Variants in PCSK9 observed in about 807,000 individuals in gnomAD.
The protein encoded by PCSK9 is proprotein convertase subtilisin/kexin type 9.
Under a neutral mutation model 62.1 loss-of-function variants are expected in PCSK9, and 57 were observed. That is an observed-to-expected ratio of 0.92 (90% CI 0.74 to 1.14). The LOEUF (loss-of-function observed/expected upper bound fraction) is 1.14, where lower values mean the gene tolerates loss of function less well. Among genes scored for constraint, PCSK9 ranks in the 50% most tolerant of loss-of-function variants. The pLI is 0.00. For synonymous variants in PCSK9, 387 were observed against 409.4 expected, an observed-to-expected ratio of 0.95 and a Z score of 0.66; for missense variants, 870 against 959.8, an observed-to-expected ratio of 0.91 and a Z score of 1.24.
At position 55,046,383 on chromosome 1, in the gene PCSK9, G is replaced by A. The variant is rs1644634985; in HGVS notation, c.400-140G>A. ...ACTCAGGCTCCTAGTCTGTCCTCCGGGGCACTAGCAGGGACAAGGTGGGAG... is the reference window on the plus strand; with the variant it reads ...ACTCAGGCTCCTAGTCTGTCCTCCGAGGCACTAGCAGGGACAAGGTGGGAG... On this transcript the variant is annotated intron_variant, in intron 2 of 11. Transcript: ENST00000302118. 6 of 1,298,266 alleles carry A rather than the reference G, an allele frequency of 4.6e-6. No homozygotes were observed. In the South Asian group the frequency reaches 5.9e-5, roughly 13 times the overall value. 80.4% of individuals were successfully genotyped at this position (1,298,266 alleles called of 1,614,324 possible). A position where few individuals can be genotyped will look rare whatever the true frequency, so the allele number is the denominator to read the frequency against.
Position 55,063,715 on chromosome 1 carries a change from G to A in PCSK9, c.*131G>A, listed in dbSNP as rs72646531. ...GGGATGGGGATGCTTCCGCCTTTCC[G>A]GGGCTGCTGGCCTGGCCCTTGAGTG... On this transcript the variant is annotated 3_prime_UTR_variant, in exon 12 of 12. Coordinates refer to ENST00000302118, the MANE Select transcript of PCSK9 (RefSeq NM_174936.4). The A allele has an allele frequency of 8.8e-6, 10 of 1,130,488 alleles. No homozygotes were observed. Among genetic ancestry groups the A allele is most frequent in the East Asian group, 7.8e-5 (3 of 38,596 alleles). The allele number at this position is 1,130,488 out of a possible 1,614,324, so 70.0% of individuals were successfully genotyped here. A position where few individuals can be genotyped will look rare whatever the true frequency, so the allele number is the denominator to read the frequency against.
chr1:55,048,551 C>T (rs905196509), intron 3 of PCSK9, among the ~76,000 whole-genome samples: 17 of 152,188 alleles, frequency 1.1e-4, no homozygotes, highest in African/African-American at 4.1e-4. Context: ...GGGTGTGGAA[C>T]CCCTTCTGGA....
chr1:55,054,514 C>T (rs1445893295), intron 5 of PCSK9, among the ~76,000 whole-genome samples: 1 of 152,240 alleles, frequency 6.6e-6, no homozygotes, highest in East Asian at 1.9e-4. Context: ...AGGAGCATGG[C>T]TGTGAGATTC....
intron 2 of PCSK9, 51 bp from the exon 3 acceptor site, chr1:55,046,472 T>C (rs888965509): frequency 2.0e-5 from 33 of 1,614,058 alleles, no homozygotes; most frequent in Non-Finnish European, 2.6e-5. Flanking sequence ...CTGTGTTTGC[T>C]GCTGTCCAAA....
rs200027662 is a variant in PCSK9 at position 55,052,334 on chromosome 1, C to T, written c.580C>T (p.Arg194Trp). Residue 194 changes from arginine to tryptophan, a missense_variant, in exon 4 of 12, where the codon CGG (arginine) becomes TGG (tryptophan). Physicochemically the swap from Arg to Trp is moderately radical, Grantham distance 101. Coordinates refer to ENST00000302118, the MANE Select transcript of PCSK9 (RefSeq NM_174936.4). ...AGACACCAGCATACAGAGTGACCAC[C>T]GGGAAATCGAGGGCAGGGTCATGGT... ...LLDTSIQSDH[R>W]EIEGRVMVTD... 8.1e-6 allele frequency: 13 copies of T among 1,614,036 alleles called. No individual in the cohort carries two copies. Among genetic ancestry groups the T allele is most frequent in the African/African-American group, 5.3e-5 (4 of 75,048 alleles).
chr1:55,044,294 C>T (rs1308208126), intron 2 of PCSK9, among the ~76,000 whole-genome samples: 1 of 152,324 alleles, frequency 6.6e-6, no homozygotes, highest in East Asian at 1.9e-4. Flanking sequence ...ACACAGACAG[C>T]TAGGGGTAGA....
Position 55,052,288 on chromosome 1 carries a change from C to T in PCSK9, c.534C>T (p.Ser178=), listed in dbSNP as rs1375419514. The T allele has an allele frequency of 6.2e-7, 1 of 1,614,026 alleles. No individual in the cohort carries two copies. The highest frequency in any genetic ancestry group is 8.5e-7 in the Non-Finnish European group (1 of 1,180,036). The change falls in exon 4 of 12, where the codon AGC becomes AGT. Residue 178 remains serine, a synonymous_variant. Coordinates refer to ENST00000302118, the MANE Select transcript of PCSK9 (RefSeq NM_174936.4). ...TGTCGCCTTGGAAAGACGGAGGCAGCCTGGTGGAGGTGTATCTCCTAGACA... is the reference window on the plus strand; with the variant it reads ...TGTCGCCTTGGAAAGACGGAGGCAGTCTGGTGGAGGTGTATCTCCTAGACA... The part of the protein sequence containing the change: ...ADEYQPPDGG[S]LVEVYLLDTS...
chr1:55,054,960 G>T (rs1379982794), intron 5 of PCSK9, among the ~76,000 whole-genome samples: 1 of 151,664 alleles, frequency 6.6e-6, no homozygotes, highest in Non-Finnish European at 1.5e-5. Flanking sequence ...AGCCGAGATT[G>T]CGCCACTGCA....
Position 55,056,092 on chromosome 1 carries a change from C to G in PCSK9, c.899C>G (p.Ala300Gly). ...AGGYSRVLNAACQRLARAGVV... is the reference protein window; with the variant it reads ...AGGYSRVLNAGCQRLARAGVV... ...GGGTACAGCCGCGTCCTCAACGCCG[C>G]CTGCCAGCGCCTGGCGAGGGCTGGG... Residue 300 changes from alanine to glycine, a missense_variant, in exon 6 of 12, where the codon GCC (alanine) becomes GGC (glycine). By Grantham distance (60) the Ala-to-Gly change is moderately conservative. Coordinates refer to ENST00000302118, the MANE Select transcript of PCSK9 (RefSeq NM_174936.4). 1 of 1,589,440 alleles carries G rather than the reference C, an allele frequency of 6.3e-7. No homozygotes were observed. The highest frequency in any genetic ancestry group is 1.1e-5 in the South Asian group (1 of 88,990).
At chr1:55,058,681 G>A (rs747568306) in intron 9 of PCSK9, 34 bp downstream of exon 9, 43 of 276,934 alleles carry the variant, frequency 1.6e-4, no homozygotes, top group Middle Eastern at 3.9e-3. Flanking sequence ...GTGTGTGTGT[G>A]TGTGTGTGTG....
Position 55,057,369 on chromosome 1 carries a change from G to A in PCSK9, c.1035G>A (p.Pro345=), listed in dbSNP as rs767809932. The A allele has an allele frequency of 3.1e-5, 50 of 1,613,980 alleles. No individual in the cohort carries two copies. The highest frequency in any genetic ancestry group is 3.8e-5 in the Non-Finnish European group (45 of 1,180,028). The stretch of plus-strand genomic sequence containing the variant: ...GGGCCACCAATGCCCAAGACCAGCC[G>A]GTGACCCTGGGGACTTTGGGGACCA... The part of the protein sequence containing the change: ...TVGATNAQDQ[P]VTLGTLGTNF... Residue 345 remains proline (P), a synonymous_variant, in exon 7 of 12, where the codon CCG becomes CCA. Transcript: ENST00000302118.
At chr1:55,057,660 T>C in intron 7 of PCSK9, 146 bp downstream of exon 7, 10 of 1,074,628 alleles carry the variant, frequency 9.3e-6, no homozygotes, top group Non-Finnish European at 1.4e-5. Flanking sequence ...GGACACTCAG[T>C]CTGATGAGGG....
Position 55,063,785 on chromosome 1 carries a change from C to T in PCSK9, c.*201C>T, listed in dbSNP as rs1477223169. Reference sequence around the variant, plus strand: ...AACTCACTCACTCTGGGTGCCTCCTCCCCAGGTGGAGGTGCCAGGAAGCTC... The same window carrying T: ...AACTCACTCACTCTGGGTGCCTCCTTCCCAGGTGGAGGTGCCAGGAAGCTC... On this transcript the variant is annotated 3_prime_UTR_variant, in exon 12 of 12. Transcript: ENST00000302118. The T allele has an allele frequency of 4.7e-6, 3 of 636,662 alleles. No individual in the cohort carries two copies. Among genetic ancestry groups the T allele is most frequent in the African/African-American group, 1.8e-5 (1 of 54,650 alleles). The allele number at this position is 636,662 out of a possible 1,614,324, so 39.4% of individuals were successfully genotyped here. A position where few individuals can be genotyped will look rare whatever the true frequency, so the allele number is the denominator to read the frequency against.
intron 11 of PCSK9, among the ~76,000 whole-genome samples, chr1:55,063,123 C>CT (rs561885328): frequency 5.5e-4 from 84 of 152,232 alleles, no homozygotes; most frequent in Non-Finnish European, 9.3e-4. Flanking sequence ...AGGCATCTGT[C>CT]TATCTCCACG....
chr1:55,061,529 G>A lies in PCSK9; in HGVS notation c.1836G>A (p.Glu612=), dbSNP rs761390546. 1.2e-6 allele frequency: 2 copies of A among 1,602,520 alleles called. No homozygotes were observed. The highest frequency in any genetic ancestry group is 3.4e-5 in the Admixed American group (2 of 58,392). ...HAPGLECKVK[E]HGIPAPQEQV... is the part of the protein sequence containing the mutation. ...CAGGTCTGGAATGCAAAGTCAAGGA[G>A]CATGGAATCCCGGCCCCTCAGGAGC... Residue 612 remains glutamate (E), a synonymous_variant, in exon 11 of 12, where the codon GAG becomes GAA. Coordinates refer to ENST00000302118, the MANE Select transcript of PCSK9 (RefSeq NM_174936.4).
Position 55,059,702 on chromosome 1 carries a change from C to T in PCSK9, c.1681+39C>T, listed in dbSNP as rs886039850. The T allele has an allele frequency of 6.5e-7, 1 of 1,545,052 alleles. No individual in the cohort carries two copies. The highest frequency in any genetic ancestry group is 1.2e-5 in the South Asian group (1 of 83,830). On this transcript the variant is annotated intron_variant, in intron 10 of 11. Coordinates refer to ENST00000302118, the MANE Select transcript of PCSK9 (RefSeq NM_174936.4). ...CTTGCCCTGGGGTGAGGAGGGGTCT[C>T]TTTCTCCTTATGCACCCACTGCCCG...
At position 55,061,246 on chromosome 1, in the gene PCSK9, T is replaced by A; in HGVS notation, c.1682-129T>A. 2.8e-6 allele frequency: 3 copies of A among 1,076,958 alleles called. 1 individual carries two copies. In the East Asian group the frequency reaches 7.8e-5, roughly 28 times the overall value. The allele number at this position is 1,076,958 out of a possible 1,614,324, so 66.7% of individuals were successfully genotyped here. On this transcript the variant is annotated intron_variant, in intron 10 of 11. Transcript: ENST00000302118. Reference sequence around the variant, plus strand: ...GGTGCTCAGGCCAGCATCTCTTTTTTTCTTTGAGTTGTTTCTAGGTTTCCT... The same window carrying A: ...GGTGCTCAGGCCAGCATCTCTTTTTATCTTTGAGTTGTTTCTAGGTTTCCT...
Position 55,063,529 on chromosome 1 carries a change from T to C in PCSK9, c.2024T>C (p.Val675Ala), listed in dbSNP as rs1557509864. ...GSTSEGAVTA[V>A]AICCRSRHLA... ...ACCAGCGAAGGGGCCGTGACAGCCG[T>C]TGCCATCTGCTGCCGGAGCCGGCAC... Residue 675 changes from valine (V) to alanine (A), a missense_variant, in exon 12 of 12, where the codon GTT becomes GCT. Physicochemically the swap from Val to Ala is moderately conservative, Grantham distance 64. Transcript: ENST00000302118. The C allele has an allele frequency of 1.2e-6, 2 of 1,613,590 alleles. No individual in the cohort carries two copies. Among genetic ancestry groups the C allele is most frequent in the East Asian group, 2.2e-5 (1 of 44,880 alleles).
chr1:55,042,283 G>A (rs6656066), intron 1 of PCSK9, among the ~76,000 whole-genome samples: 7,693 of 152,182 alleles, frequency 0.051, 605 homozygotes, highest in African/African-American at 0.17. Flanking sequence ...TTTATCCACC[G>A]TCTGAAATGT....
Sources: allele counts gnomAD v4.1 joint callset (sites outside exome capture counted in the v4.1 genomes callset), GRCh38; gene constraint gnomAD v4.1.1; transcripts MANE v1.5; gene names NCBI Gene and HGNC (gene_info 2026-07-23, HGNC 2026-07-21).